KIAA0586: variants seen among roughly 807,000 people sequenced by gnomAD.
The protein encoded by KIAA0586 is protein TALPID3.
A neutral mutation model predicts 169.8 loss-of-function variants in KIAA0586; 144 were observed. That is an observed-to-expected ratio of 0.85 (90% CI 0.74 to 0.97). The LOEUF (loss-of-function observed/expected upper bound fraction) is 0.97. Ranked by LOEUF, KIAA0586 falls within the 50% of genes least tolerant of loss-of-function variation. The pLI is 0.00. For synonymous variants in KIAA0586, 625 were observed against 612.4 expected, an observed-to-expected ratio of 1.02 and a Z score of -0.30; for missense variants, 1,854 against 1,823.0, an observed-to-expected ratio of 1.02 and a Z score of -0.31.
At position 58,432,425 on chromosome 14, in the gene KIAA0586, G is replaced by T; in HGVS notation, c.378G>T (p.Gln126His). 1 of 1,571,160 alleles carries T rather than the reference G, an allele frequency of 6.4e-7. No homozygotes were observed. Among genetic ancestry groups the T allele is most frequent in the South Asian group, 1.2e-5 (1 of 83,438 alleles). Residue 126 changes from glutamine to histidine, a missense_variant, in exon 4 of 31, where the codon CAG becomes CAT. Transcript: ENST00000652326. ...TCATTTCTCAGTATACAATGGGACA[G>T]AAAGATGCTCTAAGAACAGTTTTAA... The part of the protein sequence containing the change: ...DIFISQYTMG[Q>H]KDALRTVLKQ...
intron 29 of KIAA0586, among the ~76,000 whole-genome samples, chr14:58,527,561 T>C (rs1456872739): frequency 6.6e-6 from 1 of 152,086 alleles, no homozygotes. Flanking sequence ...TCAGCAGTCT[T>C]AAATAAAAGA....
chr14:58,461,215 T>C, intron 14 of KIAA0586, 55 bp downstream of exon 14: 1 of 1,248,348 alleles, frequency 8.0e-7, no homozygotes, highest in Non-Finnish European at 1.1e-6. Context: ...ATCAGTTTAA[T>C]ATGTAAAGTT....
Position 58,450,650 on chromosome 14 carries a change from A to G in KIAA0586, c.1033A>G (p.Arg345Gly). Residue 345 changes from arginine to glycine, a missense_variant, in exon 8 of 31, where the codon AGA becomes GGA. Arg to Gly is a moderately radical substitution (Grantham distance 125). Transcript: ENST00000652326. ...KSPLETPAPR[R>G]FAPVPVSRDD... The stretch of plus-strand genomic sequence containing the variant: ...TCCTTTGGAGACACCAGCACCTCGC[A>G]GATTTGCTCCTGTACCTGTTTCAAG... 1 of 1,610,332 alleles carries G rather than the reference A, an allele frequency of 6.2e-7. No homozygotes were observed. Among genetic ancestry groups the G allele is most frequent in the Non-Finnish European group, 8.5e-7 (1 of 1,176,598 alleles).
intron 27 of KIAA0586, among the ~76,000 whole-genome samples, chr14:58,508,080 G>C (rs2044131565): frequency 6.6e-6 from 1 of 152,190 alleles, no homozygotes; most frequent in Admixed American, 6.6e-5. Context: ...ACTGCACTCA[G>C]CCAGAGGTGC....
downstream of KIAA0586, among the ~76,000 whole-genome samples, chr14:58,552,549 T>C (rs749895549): frequency 2.6e-5 from 4 of 152,122 alleles, no homozygotes; most frequent in African/African-American, 9.7e-5. Context: ...ATTTCAGCCA[T>C]AGTGAGGAAT....
chr14:58,430,259 G>T (rs1270775532), intron 2 of KIAA0586, among the ~76,000 whole-genome samples: 1 of 151,776 alleles, frequency 6.6e-6, no homozygotes, highest in East Asian at 1.9e-4. Context: ...GAATAAATGG[G>T]TGATCTTCGT....
intron 25 of KIAA0586, 49 bp from the exon 26 acceptor site, chr14:58,492,095 A>G (rs763923686): frequency 4.4e-5 from 60 of 1,373,424 alleles, no homozygotes; most frequent in South Asian, 1.1e-4. Context: ...GAAAAATGCA[A>G]TTGTTCGAAA....
intron 29 of KIAA0586, chr14:58,522,126 C>T (rs930387348): frequency 6.9e-6 from 4 of 580,466 alleles, no homozygotes; most frequent in African/African-American, 1.9e-5. Context: ...CTTGTCCTTC[C>T]CATGTTCATT....
chr14:58,468,004 G>T, intron 16 of KIAA0586, 82 bp downstream of exon 16: 6 of 778,076 alleles, frequency 7.7e-6, no homozygotes, highest in African/African-American at 1.8e-5. Context: ...CCATTATATT[G>T]CTTCATAAAA....
chr14:58,516,615 A>G (rs1418986869), intron 29 of KIAA0586, among the ~76,000 whole-genome samples: 1 of 152,256 alleles, frequency 6.6e-6, no homozygotes, highest in African/African-American at 2.4e-5. Context: ...AAAACATTCC[A>G]GCAGGGATTT....
the KIAA0586 span, among the ~76,000 whole-genome samples, chr14:58,561,361 G>A: frequency 1.3e-5 from 2 of 152,170 alleles, no homozygotes; most frequent in African/African-American, 4.8e-5. Context: ...AACATCTAGT[G>A]CAAGACCATA....
At position 58,432,391 on chromosome 14, in the gene KIAA0586, A is replaced by G; in HGVS notation, c.344A>G (p.Asn115Ser). ...KIEENNKQKANDIFISQYTMG... is the reference protein window; with the variant it reads ...KIEENNKQKASDIFISQYTMG... ...TTTTTGTGTCTTGATTTTGCAGCAAATGACATCTTCATTTCTCAGTATACA... is the reference window on the plus strand; with the variant it reads ...TTTTTGTGTCTTGATTTTGCAGCAAGTGACATCTTCATTTCTCAGTATACA... The change falls in exon 4 of 31, where the codon AAT (asparagine) becomes AGT (serine). Residue 115 changes from asparagine to serine, a missense_variant. Transcript: ENST00000652326. 6.5e-7 allele frequency: 1 copy of G among 1,539,426 alleles called. No homozygotes were observed. Among genetic ancestry groups the G allele is most frequent in the Non-Finnish European group, 8.8e-7 (1 of 1,139,996 alleles).
Position 58,482,720 on chromosome 14 carries a change from G to A in KIAA0586, c.3144+8G>A. On this transcript the variant is annotated splice_region_variant and intron_variant, in intron 21 of 30. Coordinates refer to ENST00000652326, the MANE Select transcript of KIAA0586 (RefSeq NM_001329943.3). The stretch of plus-strand genomic sequence containing the variant: ...AATGAAACATATTTGCCGGTATGGG[G>A]AATTTTTGAGACATTTATTGAAGAA... 6.5e-7 allele frequency: 1 copy of A among 1,532,628 alleles called. No individual in the cohort carries two copies. Among genetic ancestry groups the A allele is most frequent in the Non-Finnish European group, 8.8e-7 (1 of 1,136,634 alleles). The allele number at this position is 1,532,628 out of a possible 1,614,324, so 94.9% of individuals were successfully genotyped here. A position where few individuals can be genotyped will look rare whatever the true frequency, so the allele number is the denominator to read the frequency against.
At chr14:58,430,439 A>G (rs569539508) in intron 2 of KIAA0586, among the ~76,000 whole-genome samples, 1 of 152,098 alleles carries the variant, frequency 6.6e-6, no homozygotes, top group Non-Finnish European at 1.5e-5. Context: ...TCATTCATTC[A>G]CTTGTCTGAT....
At chr14:58,499,044 G>A in intron 27 of KIAA0586, 84 bp downstream of exon 27, 3 of 1,233,744 alleles carry the variant, frequency 2.4e-6, no homozygotes, top group South Asian at 1.6e-5. Flanking sequence ...TTTCAGATAG[G>A]GGCTTGCAAA....
chr14:58,482,493 T>C lies in KIAA0586; in HGVS notation c.2945-20T>C. ...CATGTTTCTTGCCCACTTATTCTGA[T>C]TTTTTTTTTTTACTTTTAGTGGAAG... On this transcript the variant is annotated intron_variant, in intron 20 of 30. Coordinates refer to ENST00000652326, the MANE Select transcript of KIAA0586 (RefSeq NM_001329943.3). 2.3e-6 allele frequency: 1 copy of C among 442,390 alleles called. No homozygotes were observed. Among genetic ancestry groups the C allele is most frequent in the Non-Finnish European group, 3.2e-6 (1 of 310,792 alleles). 27.4% of individuals were successfully genotyped at this position (442,390 alleles called of 1,614,324 possible).
Position 58,428,442 on chromosome 14 carries a change from A to G in KIAA0586, c.178A>G (p.Ser60Gly), listed in dbSNP as rs1051486587. 5.0e-6 allele frequency: 8 copies of G among 1,613,178 alleles called. No homozygotes were observed. In the East Asian group the frequency reaches 8.9e-5, roughly 18 times the overall value. Reference protein sequence around the residue: ...NKRLPVGTGTSLNGTSRGSSD... With the variant: ...NKRLPVGTGTGLNGTSRGSSD... Reference sequence around the variant, plus strand: ...ACGTCTTCCTGTTGGAACGGGGACTAGTTTGAATGGAACATCACGTGGTAT... The same window carrying G: ...ACGTCTTCCTGTTGGAACGGGGACTGGTTTGAATGGAACATCACGTGGTAT... The change falls in exon 1 of 31, where the codon AGT becomes GGT. Residue 60 changes from serine to glycine, a missense_variant. By Grantham distance (56) the Ser-to-Gly change is moderately conservative (BLOSUM62 0). Coordinates refer to ENST00000652326, the MANE Select transcript of KIAA0586 (RefSeq NM_001329943.3).
At chr14:58,430,958 C>T (rs1055084228) in intron 3 of KIAA0586, among the ~76,000 whole-genome samples, 1 of 152,114 alleles carries the variant, frequency 6.6e-6, no homozygotes, top group Non-Finnish European at 1.5e-5. Flanking sequence ...TTTGACTACC[C>T]TAGGTACGTT....
At chr14:58,430,763 T>A (rs1474534457) in intron 3 of KIAA0586, 46 bp downstream of exon 3, 1 of 1,078,848 alleles carries the variant, frequency 9.3e-7, no homozygotes, top group Non-Finnish European at 1.4e-6. Flanking sequence ...AACATATACA[T>A]AACATAAAGT....
Sources: allele counts gnomAD v4.1 joint callset (sites outside exome capture counted in the v4.1 genomes callset), GRCh38; gene constraint gnomAD v4.1.1; transcripts MANE v1.5; gene names NCBI Gene and HGNC (gene_info 2026-07-23, HGNC 2026-07-21).